The following COL11A1 variants were observed in gnomAD, a reference collection of about 807,000 sequenced individuals.
COL11A1 encodes the protein collagen alpha-1(XI) chain.
Under a neutral mutation model 265.2 loss-of-function variants are expected in COL11A1, and 74 were observed. The observed-to-expected ratio is 0.28, with a 90% CI of 0.23 to 0.34. COL11A1 has a LOEUF of 0.34. Among genes scored for constraint, COL11A1 ranks in the 10% least tolerant of loss-of-function variants. COL11A1 has a pLI of 1.00. For missense variants in COL11A1, 2,165 were observed against 2,263.6 expected, an observed-to-expected ratio of 0.96 and a Z score of 0.88; for synonymous variants, 816 against 727.6, an observed-to-expected ratio of 1.12 and a Z score of -1.96.
At chr1:103,070,164 A>G (rs1671464782) in intron 4 of COL11A1, among the ~76,000 whole-genome samples, 1 of 150,626 alleles carries the variant, frequency 6.6e-6, no homozygotes, top group South Asian at 2.1e-4. Context: ...GGGTGAATGG[A>G]TGAAAAAATT....
chr1:102,920,433 C>T (rs1655852918), intron 48 of COL11A1, 69 bp from the exon 49 acceptor site: 3 of 1,347,338 alleles, frequency 2.2e-6, no homozygotes, highest in Non-Finnish European at 3.2e-6. Context: ...AAACATATGT[C>T]TAGTTGTTCT....
chr1:102,946,945 T>C lies in COL11A1; in HGVS notation c.3180A>G (p.Gly1060=). The C allele has an allele frequency of 1.2e-6, 2 of 1,612,390 alleles. No homozygotes were observed. Among genetic ancestry groups the C allele is most frequent in the Non-Finnish European group, 1.7e-6 (2 of 1,179,226 alleles). Residue 1060 remains glycine, a synonymous_variant, in exon 42 of 67, where the codon GGA becomes GGG. Transcript: ENST00000370096. ...QGPPGPVGSP[G]ERGSAGTAGP... The stretch of plus-strand genomic sequence containing the variant: ...CAGCTGTACCTGCTGACCCACGTTC[T>C]CCTGGTGAGCCCTAGTATACAGGAA...
chr1:103,019,524 G>T (rs1272226682), intron 9 of COL11A1, among the ~76,000 whole-genome samples: 2 of 152,026 alleles, frequency 1.3e-5, no homozygotes, highest in South Asian at 4.1e-4. Flanking sequence ...TTGTGAGCAT[G>T]TTGCATGATT....
At chr1:103,000,340 C>T (rs547690824) in intron 24 of COL11A1, among the ~76,000 whole-genome samples, 20 of 151,800 alleles carry the variant, frequency 1.3e-4, no homozygotes, top group African/African-American at 4.3e-4. Context: ...GCAGCTATGT[C>T]TAAAACATCC....
At position 102,921,532 on chromosome 1, in the gene COL11A1, G is replaced by A. The variant is rs781242618; in HGVS notation, c.3694C>T (p.Pro1232Ser). ...AGAGTTCTTACATCAGCTCCATTGGGACCTTGAGGGCCTCTTGGGCCTGGA... is the reference window on the plus strand; with the variant it reads ...AGAGTTCTTACATCAGCTCCATTGGAACCTTGAGGGCCTCTTGGGCCTGGA... ...GPPGPRGPQGPNGADGPQGPP... is the reference protein window; with the variant it reads ...GPPGPRGPQGSNGADGPQGPP... Residue 1232 changes from proline to serine, a missense_variant, in exon 48 of 67, where the codon CCC becomes TCC. Pro to Ser is a moderately conservative substitution (Grantham distance 74). Transcript: ENST00000370096. 1.2e-6 allele frequency: 2 copies of A among 1,613,168 alleles called. No individual in the cohort carries two copies. Among genetic ancestry groups the A allele is most frequent in the African/African-American group, 2.7e-5 (2 of 74,866 alleles).
Position 103,014,501 on chromosome 1 carries a change from C to T in COL11A1, c.1572+10G>A, listed in dbSNP as rs1270301195. 29 of 1,612,726 alleles carry T rather than the reference C, an allele frequency of 1.8e-5. No individual in the cohort carries two copies. In the Admixed American group the frequency reaches 3.8e-4, roughly 21 times the overall value. On this transcript the variant is annotated intron_variant, in intron 13 of 66. Coordinates refer to ENST00000370096, the MANE Select transcript of COL11A1 (RefSeq NM_001854.4). ...TCATCTTGTGGGAATGCAAGTTTATCCTGTCTTACCCGAGCCTGCTGAAGA... is the reference window on the plus strand; with the variant it reads ...TCATCTTGTGGGAATGCAAGTTTATTCTGTCTTACCCGAGCCTGCTGAAGA...
rs372419698 is a variant in COL11A1, at chr1:102,984,181, C to T, written c.2513G>A (p.Gly838Glu). The T allele has an allele frequency of 6.3e-7, 1 of 1,592,802 alleles. No homozygotes were observed. The highest frequency in any genetic ancestry group is 8.6e-7 in the Non-Finnish European group (1 of 1,163,394). Residue 838 changes from glycine (G) to glutamate (E), a missense_variant, in exon 31 of 67, where the codon GGA becomes GAA. Transcript: ENST00000370096. ...SGQAGEKGKL[G>E]VPGLPGYPGR... The stretch of plus-strand genomic sequence containing the variant: ...TGGATATCCTGGTAATCCTGGAACT[C>T]CAAGTTTTCCCTACAGTTAAAATAT...
In COL11A1 at chr1:103,014,612, T is replaced by G. The variant is rs374324829; in HGVS notation, c.1489-18A>C. The G allele has an allele frequency of 1.7e-5, 28 of 1,605,018 alleles. No individual in the cohort carries two copies. Among genetic ancestry groups the G allele is most frequent in the Non-Finnish European group, 2.2e-5 (26 of 1,172,148 alleles). On this transcript the variant is annotated intron_variant, in intron 12 of 66. Transcript: ENST00000370096. ...TAACGGAACTTGGAAGAGATAACAT[T>G]AAGAAATTCAAAATTAGCTTTGTCA...
chr1:103,066,513 C>A (rs1443638538), intron 4 of COL11A1, among the ~76,000 whole-genome samples: 2 of 114,428 alleles, frequency 1.7e-5, no homozygotes, highest in Non-Finnish European at 1.8e-5. Context: ...ATAAGTAAAA[C>A]AAAATGGAAT....
chr1:102,944,304 T>G (rs975478698), intron 42 of COL11A1, among the ~76,000 whole-genome samples: 1 of 152,170 alleles, frequency 6.6e-6, no homozygotes, highest in African/African-American at 2.4e-5. Context: ...TCTGAATGGA[T>G]ATCTATAACT....
intron 59 of COL11A1, among the ~76,000 whole-genome samples, chr1:102,889,141 G>A (rs1360356833): frequency 6.6e-6 from 1 of 151,978 alleles, no homozygotes; most frequent in Non-Finnish European, 1.5e-5. Context: ...TGAGGTTTTT[G>A]TTTTCAATCT....
At chr1:103,080,794 G>A (rs902276972) in intron 2 of COL11A1, among the ~76,000 whole-genome samples, 1 of 151,628 alleles carries the variant, frequency 6.6e-6, no homozygotes, top group Non-Finnish European at 1.5e-5. Context: ...GCCATCAATC[G>A]CACTACTGAG....
chr1:102,891,423 T>C (rs940672326), intron 57 of COL11A1, among the ~76,000 whole-genome samples: 1 of 151,908 alleles, frequency 6.6e-6, no homozygotes, highest in Non-Finnish European at 1.5e-5. Flanking sequence ...ATTTCAATAA[T>C]TTAACGTTTT....
chr1:103,025,871 T>TG lies in COL11A1; in HGVS notation c.898-259dup, dbSNP rs2101963390. ...TTCTTGGATGAAAATTTTTCAGATT[T>TG]GGGGGGTGTAAACTTTTTGGATTTT... On this transcript the variant is annotated intron_variant, in intron 6 of 66. Transcript: ENST00000370096. 1.9e-6 allele frequency: 3 copies of TG among 1,613,526 alleles called. No homozygotes were observed. The highest frequency in any genetic ancestry group is 1.3e-5 in the African/African-American group (1 of 75,020).
intron 1 of COL11A1, among the ~76,000 whole-genome samples, chr1:103,102,376 G>A (rs1674345793): frequency 2.0e-5 from 3 of 151,952 alleles, no homozygotes; most frequent in Admixed American, 6.6e-5. Flanking sequence ...AAGAACTTAG[G>A]GAACATTGCA....
intron 64 of COL11A1, 76 bp from the exon 65 acceptor site, chr1:102,881,841 T>A: frequency 9.5e-7 from 1 of 1,056,534 alleles, no homozygotes; most frequent in Non-Finnish European, 1.4e-6. Flanking sequence ...ATACATATAA[T>A]TCATTTTCAG....
intron 4 of COL11A1, among the ~76,000 whole-genome samples, chr1:103,053,184 G>A (rs961788047): frequency 2.6e-5 from 4 of 152,146 alleles, no homozygotes; most frequent in African/African-American, 9.7e-5. Context: ...AGGACAAGTA[G>A]CATCCTATAT....
chr1:102,989,424 T>C, intron 29 of COL11A1, 94 bp downstream of exon 29: 3 of 671,706 alleles, frequency 4.5e-6, no homozygotes. Flanking sequence ...ACATTTTATT[T>C]ATCATATGCT....
intron 54 of COL11A1, among the ~76,000 whole-genome samples, chr1:102,905,036 T>C (rs995460552): frequency 1.3e-5 from 2 of 151,828 alleles, no homozygotes; most frequent in African/African-American, 2.4e-5. Flanking sequence ...TGGAATACTA[T>C]GCAGCCATAA....
Sources: allele counts gnomAD v4.1 joint callset (sites outside exome capture counted in the v4.1 genomes callset), GRCh38; gene constraint gnomAD v4.1.1; transcripts MANE v1.5; gene names NCBI Gene and HGNC (gene_info 2026-07-23, HGNC 2026-07-21).